INPP4B: variants seen among roughly 807,000 people sequenced by gnomAD.
INPP4B encodes the protein inositol polyphosphate-4-phosphatase type II B.
In INPP4B, 55 loss-of-function variants were observed where a neutral mutation model predicts 122.5. The observed-to-expected ratio is 0.45, with a 90% CI of 0.36 to 0.56. The LOEUF (loss-of-function observed/expected upper bound fraction) is 0.56. Among genes scored for constraint, INPP4B ranks in the 20% least tolerant of loss-of-function variants. The probability of loss-of-function intolerance (pLI) is 0.00; values close to 1 mark genes in which losing one functional copy is unlikely to be tolerated. For missense variants in INPP4B, 1,000 were observed against 1,097.7 expected (o/e 0.91, Z 1.26); for synonymous variants, 403 against 388.7 (o/e 1.04, Z -0.43).
chr4:142,611,996 T>C (rs1047513857), intron 2 of INPP4B, among the ~76,000 whole-genome samples: 1 of 152,206 alleles, frequency 6.6e-6, no homozygotes, highest in Non-Finnish European at 1.5e-5. Context: ...AGGACAGGTT[T>C]CTGTAGCTCA....
Position 142,028,443 on chromosome 4 carries a change from C to T in INPP4B, c.*339G>A, listed in dbSNP as rs1737732982. 1 of 299,912 alleles carries T rather than the reference C, an allele frequency of 3.3e-6. No individual in the cohort carries two copies. Among genetic ancestry groups the T allele is most frequent in the Non-Finnish European group, 6.3e-6 (1 of 159,896 alleles). 18.6% of individuals were successfully genotyped at this position (299,912 alleles called of 1,614,324 possible). A position where few individuals can be genotyped will look rare whatever the true frequency, so the allele number is the denominator to read the frequency against. On this transcript the variant is annotated 3_prime_UTR_variant, in exon 26 of 26. Coordinates refer to ENST00000262992, the MANE Select transcript of INPP4B (RefSeq NM_001101669.3). ...TTGGAGAGTGGTGCTCTGTGAATCA[C>T]CCCTAGTCCTATTGAAATGATCCAT...
chr4:142,612,953 G>C (rs1482088908), intron 2 of INPP4B, among the ~76,000 whole-genome samples: 2 of 152,058 alleles, frequency 1.3e-5, no homozygotes, highest in Non-Finnish European at 2.9e-5. Flanking sequence ...CTAAGTTTTG[G>C]CCCCTATATG....
At chr4:142,539,955 G>A (rs1349105816) in intron 2 of INPP4B, among the ~76,000 whole-genome samples, 1 of 152,022 alleles carries the variant, frequency 6.6e-6, no homozygotes, top group Non-Finnish European at 1.5e-5. Flanking sequence ...GTTCATGCTA[G>A]TTACTGGAAA....
At chr4:142,196,639 A>G (rs146791577) in intron 14 of INPP4B, among the ~76,000 whole-genome samples, 5 of 152,178 alleles carry the variant, frequency 3.3e-5, no homozygotes, top group East Asian at 3.9e-4. Context: ...CTGCCTCTCA[A>G]TGTTAGCCTC....
rs2149156768 is a variant in INPP4B, at chr4:142,402,684, C to A, written c.372+254G>T. On this transcript the variant is annotated intron_variant, in intron 7 of 25. Transcript: ENST00000262992. ...ACCACTCTGCTGAAAACAACAACAACAAAATGTAAACCAAAAGATCAAGTC... is the reference window on the plus strand; with the variant it reads ...ACCACTCTGCTGAAAACAACAACAAAAAAATGTAAACCAAAAGATCAAGTC... Among the ~76,000 whole-genome samples the A allele has an allele frequency of 2.6e-5, 4 of 152,198 alleles. No homozygotes were observed. The Middle Eastern group carries it at 0.014, about 518-fold the overall frequency.
At chr4:142,682,393 CT>C (rs570499144) in intron 2 of INPP4B, among the ~76,000 whole-genome samples, 11 of 151,634 alleles carry the variant, frequency 7.3e-5, no homozygotes, top group Admixed American at 5.3e-4. Flanking sequence ...AGTGTTGTAT[CT>C]TTTTTTGAAG....
intron 2 of INPP4B, among the ~76,000 whole-genome samples, chr4:142,596,578 C>T (rs1041060893): frequency 5.5e-4 from 84 of 152,078 alleles, no homozygotes; most frequent in African/African-American, 2.0e-3. Flanking sequence ...ATGTTTTGGT[C>T]AATTTGTTAT....
intron 2 of INPP4B, among the ~76,000 whole-genome samples, chr4:142,524,479 C>T (rs1256565642): frequency 6.6e-6 from 1 of 151,820 alleles, no homozygotes; most frequent in African/African-American, 2.4e-5. Context: ...CTGTTCATGT[C>T]CTTTGCCCAC....
chr4:142,638,065 G>A (rs1395310023), intron 2 of INPP4B, among the ~76,000 whole-genome samples: 1 of 152,018 alleles, frequency 6.6e-6, no homozygotes, highest in African/African-American at 2.4e-5. Flanking sequence ...TTATTGTTGA[G>A]TTTTGAAAAT....
chr4:142,369,563 T>G (rs905501733), intron 7 of INPP4B, among the ~76,000 whole-genome samples: 3 of 149,004 alleles, frequency 2.0e-5, no homozygotes, highest in African/African-American at 7.4e-5. Context: ...GGTGACAGAA[T>G]GAGACCCTGT....
At chr4:142,649,081 T>A (rs1458930532) in intron 2 of INPP4B, among the ~76,000 whole-genome samples, 1 of 152,200 alleles carries the variant, frequency 6.6e-6, no homozygotes, top group African/African-American at 2.4e-5. Flanking sequence ...GCAAACAGGG[T>A]CTGGAGTGGA....
At chr4:142,837,445 G>A (rs946719295) in intron 1 of INPP4B, among the ~76,000 whole-genome samples, 1 of 152,050 alleles carries the variant, frequency 6.6e-6, no homozygotes, top group African/African-American at 2.4e-5. Flanking sequence ...CCACTTACCT[G>A]CTGTGTGATC....
At chr4:142,071,669 G>C (rs1189736215) in intron 25 of INPP4B, among the ~76,000 whole-genome samples, 1 of 152,130 alleles carries the variant, frequency 6.6e-6, no homozygotes, top group Non-Finnish European at 1.5e-5. Flanking sequence ...ATCAAAAAGT[G>C]GGCAAAGGAT....
chr4:142,397,009 A>T (rs578217507), intron 7 of INPP4B, among the ~76,000 whole-genome samples: 1 of 152,330 alleles, frequency 6.6e-6, no homozygotes, highest in South Asian at 2.1e-4. Flanking sequence ...TGAAAGTGAC[A>T]TGGGCATACG....
At chr4:142,584,665 T>C (rs533066645) in intron 2 of INPP4B, among the ~76,000 whole-genome samples, 2 of 152,246 alleles carry the variant, frequency 1.3e-5, no homozygotes, top group Non-Finnish European at 2.9e-5. Context: ...TCACTATTGA[T>C]TTGACCTTAA....
chr4:142,424,137 G>C (rs2149329091), intron 5 of INPP4B, among the ~76,000 whole-genome samples: 1 of 151,672 alleles, frequency 6.6e-6, no homozygotes, highest in South Asian at 2.1e-4. Context: ...TTCAAAAATT[G>C]GCTTTAGTCA....
At chr4:142,322,736 T>C (rs1467830771) in intron 7 of INPP4B, among the ~76,000 whole-genome samples, 1 of 152,222 alleles carries the variant, frequency 6.6e-6, no homozygotes, top group African/African-American at 2.4e-5. Context: ...GTTTTTAAAA[T>C]GTGCTACCCT....
intron 25 of INPP4B, among the ~76,000 whole-genome samples, chr4:142,033,807 A>G (rs1742011531): frequency 6.6e-6 from 1 of 150,468 alleles, no homozygotes; most frequent in Admixed American, 6.7e-5. Context: ...TGGGACTGTA[A>G]GTGTGCACCA....
At chr4:142,403,789 C>G (rs186128058) in intron 6 of INPP4B, among the ~76,000 whole-genome samples, 6 of 152,158 alleles carry the variant, frequency 3.9e-5, no homozygotes, top group Non-Finnish European at 8.8e-5. Flanking sequence ...GTAATTCATT[C>G]ATTTATTCTT....
Sources: allele counts gnomAD v4.1 joint callset (sites outside exome capture counted in the v4.1 genomes callset), GRCh38; gene constraint gnomAD v4.1.1; transcripts MANE v1.5; gene names NCBI Gene and HGNC (gene_info 2026-07-23, HGNC 2026-07-21).